GASK1B: variants seen among roughly 807,000 people sequenced by gnomAD.
The protein encoded by GASK1B is Golgi-associated kinase 1B.
Under a neutral mutation model 42.8 loss-of-function variants are expected in GASK1B, and 34 were observed. The ratio of observed to expected loss-of-function variants is 0.79; its 90% CI spans 0.60 to 1.06. The LOEUF is 1.06. Ranked by LOEUF, GASK1B falls within the 50% of genes least tolerant of loss-of-function variation. The pLI is 0.00. For synonymous variants in GASK1B, 262 were observed against 259.1 expected, an observed-to-expected ratio of 1.01 and a Z score of -0.11; for missense variants, 686 against 661.0, an observed-to-expected ratio of 1.04 and a Z score of -0.42.
chr4:158,128,975 G>A (rs966368158), intron 4 of GASK1B, among the ~76,000 whole-genome samples: 1 of 152,102 alleles, frequency 6.6e-6, no homozygotes, highest in African/African-American at 2.4e-5. Context: ...AGATGAAATC[G>A]TTAAAACCAT....
chr4:158,157,751 T>C (rs1731812416), intron 2 of GASK1B, among the ~76,000 whole-genome samples: 1 of 152,130 alleles, frequency 6.6e-6, no homozygotes, highest in African/African-American at 2.4e-5. Context: ...GCAATTCATA[T>C]AAGGCCTTTG....
At chr4:158,139,345 C>A (rs1339537631) in intron 3 of GASK1B, among the ~76,000 whole-genome samples, 2 of 152,212 alleles carry the variant, frequency 1.3e-5, no homozygotes, top group African/African-American at 2.4e-5. Flanking sequence ...CGCATACCAG[C>A]TCCACTCAGC....
intron 2 of GASK1B, 132 bp downstream of exon 2, chr4:158,170,334 C>T (rs1430182696): frequency 1.2e-6 from 2 of 1,613,940 alleles, no homozygotes; most frequent in African/African-American, 1.3e-5. Flanking sequence ...TGGAAAGACA[C>T]GCTGCTGCTG....
chr4:158,156,047 G>T (rs1262852280), intron 2 of GASK1B, among the ~76,000 whole-genome samples: 1 of 151,922 alleles, frequency 6.6e-6, no homozygotes, highest in African/African-American at 2.4e-5. Context: ...GTTAGACAAT[G>T]AAAAAAAATT....
intron 3 of GASK1B, among the ~76,000 whole-genome samples, chr4:158,152,307 G>A (rs968714297): frequency 9.2e-5 from 14 of 151,962 alleles, no homozygotes; most frequent in South Asian, 2.1e-4. Context: ...TACATCAAAC[G>A]TATTAGTTCT....
In GASK1B at chr4:158,171,517, G is replaced by T; in HGVS notation, c.-142C>A. 2 of 805,496 alleles carry T rather than the reference G, an allele frequency of 2.5e-6. No homozygotes were observed. The highest frequency in any genetic ancestry group is 3.6e-6 in the Non-Finnish European group (2 of 549,438). 49.9% of individuals were successfully genotyped at this position (805,496 alleles called of 1,614,324 possible). ...CCAGTGGGCAGAGGTGGAAGGAAAGGGTTGGTGATGAAGCTGGGAATGTTT... is the reference window on the plus strand; with the variant it reads ...CCAGTGGGCAGAGGTGGAAGGAAAGTGTTGGTGATGAAGCTGGGAATGTTT... On this transcript the variant is annotated 5_prime_UTR_variant, in exon 2 of 5. Coordinates refer to ENST00000585682, the MANE Select transcript of GASK1B (RefSeq NM_001128424.2).
chr4:158,172,100 T>A (rs190098567), intron 1 of GASK1B, among the ~76,000 whole-genome samples: 1 of 152,214 alleles, frequency 6.6e-6, no homozygotes, highest in Non-Finnish European at 1.5e-5. Flanking sequence ...ATTGTTAGTA[T>A]AATACAAAGC....
intron 2 of GASK1B, 155 bp downstream of exon 2, chr4:158,170,311 A>T: frequency 6.2e-7 from 1 of 1,614,252 alleles, no homozygotes; most frequent in Non-Finnish European, 8.5e-7. Flanking sequence ...GAAAATAAAG[A>T]ATGCCAAGCG....
rs986314595 is a variant in GASK1B, at chr4:158,164,708, C to T, written c.910+5758G>A. On this transcript the variant is annotated intron_variant, in intron 2 of 4. Coordinates refer to ENST00000585682, the MANE Select transcript of GASK1B (RefSeq NM_001128424.2). ...TCTAGGATTTGGAAGCCAGTATGTT[C>T]GCAAGTTGTGAGGACATCTGTGTTA... Among the ~76,000 whole-genome samples, 6 of 152,284 alleles carry T rather than the reference C, an allele frequency of 3.9e-5. No homozygotes were observed. In the East Asian group the frequency reaches 5.8e-4, roughly 15 times the overall value.
chr4:158,128,324 C>A (rs975034367), intron 4 of GASK1B, among the ~76,000 whole-genome samples: 4 of 152,066 alleles, frequency 2.6e-5, no homozygotes, highest in Non-Finnish European at 5.9e-5. Flanking sequence ...AACCTAAGAC[C>A]AATTTAGAGG....
chr4:158,171,318 C>A lies in GASK1B; in HGVS notation c.58G>T (p.Val20Phe). Residue 20 changes from valine to phenylalanine, a missense_variant, in exon 2 of 5, where the codon GTC becomes TTC. Val to Phe is a conservative substitution (Grantham distance 50). Transcript: ENST00000585682. The stretch of plus-strand genomic sequence containing the variant: ...CTCCAGAGCTTACGCACCCGCGGGA[C>A]GCACAGGGAGCAGATGAACCAGTTT... ...LINWFICSLC[V>F]PRVRKLWSSR... The A allele has an allele frequency of 6.2e-7, 1 of 1,612,350 alleles. No individual in the cohort carries two copies. Among genetic ancestry groups the A allele is most frequent in the Admixed American group, 1.7e-5 (1 of 59,918 alleles).
At chr4:158,137,450 T>C (rs577614984) in intron 3 of GASK1B, among the ~76,000 whole-genome samples, 1 of 152,188 alleles carries the variant, frequency 6.6e-6, no homozygotes, top group African/African-American at 2.4e-5. Context: ...GACAGACAGA[T>C]GCAAAAACAC....
At chr4:158,137,280 G>A (rs893337218) in intron 3 of GASK1B, among the ~76,000 whole-genome samples, 6 of 148,402 alleles carry the variant, frequency 4.0e-5, no homozygotes, top group African/African-American at 1.6e-4. Flanking sequence ...CAAAGGAAAT[G>A]CTTTTCTATA....
chr4:158,151,439 G>A (rs1560786020), intron 3 of GASK1B, among the ~76,000 whole-genome samples: 6 of 152,220 alleles, frequency 3.9e-5, no homozygotes, highest in South Asian at 2.1e-4. Flanking sequence ...AAGAACTTGA[G>A]TGAGATACTT....
intron 3 of GASK1B, 78 bp downstream of exon 3, chr4:158,155,533 C>T: frequency 8.2e-7 from 1 of 1,224,606 alleles, no homozygotes. Context: ...ACTCCAGGTG[C>T]TGAACATTCC....
In GASK1B at chr4:158,155,493, C is replaced by T. The variant is rs896909452; in HGVS notation, c.1125+118G>A. 7.0e-5 allele frequency: 61 copies of T among 873,022 alleles called. No homozygotes were observed. In the African/African-American group the frequency reaches 9.0e-4, roughly 13 times the overall value. The allele number at this position is 873,022 out of a possible 1,614,324, so 54.1% of individuals were successfully genotyped here. A position where few individuals can be genotyped will look rare whatever the true frequency, so the allele number is the denominator to read the frequency against. On this transcript the variant is annotated intron_variant, in intron 3 of 4. Transcript: ENST00000585682. Reference sequence around the variant, plus strand: ...AAACCACAATTACTTTTGCACCAAGCTAATAGAAGTTATCACCAGCTTCAT... The same window carrying T: ...AAACCACAATTACTTTTGCACCAAGTTAATAGAAGTTATCACCAGCTTCAT...
At position 158,127,563 on chromosome 4, in the gene GASK1B, T is replaced by C; in HGVS notation, c.1404A>G (p.Lys468=). ...SVLKSQHLRQ[K]LLQSLFLDKV... ...TATCAAGAAACAGAGACTGAAGAAGTTTCTGCCGTAAGTGCTGGCTCTTCA... is the reference window on the plus strand; with the variant it reads ...TATCAAGAAACAGAGACTGAAGAAGCTTCTGCCGTAAGTGCTGGCTCTTCA... Residue 468 remains lysine (K), a synonymous_variant, in exon 5 of 5, where the codon AAA becomes AAG. Coordinates refer to ENST00000585682, the MANE Select transcript of GASK1B (RefSeq NM_001128424.2). 1 of 1,613,666 alleles carries C rather than the reference T, an allele frequency of 6.2e-7. No homozygotes were observed. Among genetic ancestry groups the C allele is most frequent in the Non-Finnish European group, 8.5e-7 (1 of 1,179,782 alleles).
At chr4:158,146,421 C>A (rs1249263821) in intron 3 of GASK1B, among the ~76,000 whole-genome samples, 2 of 152,010 alleles carry the variant, frequency 1.3e-5, no homozygotes, top group African/African-American at 4.8e-5. Context: ...TTACTTATTT[C>A]TATGCTCATT....
At chr4:158,161,191 T>C (rs1731984567) in intron 2 of GASK1B, among the ~76,000 whole-genome samples, 1 of 152,066 alleles carries the variant, frequency 6.6e-6, no homozygotes, top group African/African-American at 2.4e-5. Flanking sequence ...ATAAGTAAGG[T>C]GATGGATTTT....
Sources: gnomAD v4.1 joint callset for allele counts (sites outside exome capture counted in the v4.1 genomes callset) on GRCh38, gnomAD v4.1.1 for gene constraint, MANE v1.5 for transcripts, NCBI Gene and HGNC (gene_info 2026-07-23, HGNC 2026-07-21) for gene names.